DHX15: variants seen among roughly 807,000 people sequenced by gnomAD.
DHX15 encodes ATP-dependent RNA helicase DHX15.
A neutral mutation model predicts 94.4 loss-of-function variants in DHX15; 11 were observed. The ratio of observed to expected loss-of-function variants is 0.12; its 90% CI spans 0.07 to 0.19. The LOEUF is 0.19. DHX15 is among the 10% of genes least tolerant of loss of function. The pLI is 1.00. For synonymous variants in DHX15, 338 were observed against 329.9 expected (o/e 1.02, Z -0.27); for missense variants, 304 against 988.5 (o/e 0.31, Z 9.29).
At chr4:24,583,923 G>C (rs897264388) in intron 1 of DHX15, among the ~76,000 whole-genome samples, 7 of 152,144 alleles carry the variant, frequency 4.6e-5, no homozygotes, top group African/African-American at 1.7e-4. Context: ...TGCTGCCCTT[G>C]GAAGCGAATA....
rs1045784704 is a variant in DHX15 at position 24,555,011 on chromosome 4, A to G, written c.862-68T>C. On this transcript the variant is annotated intron_variant, in intron 4 of 13. Transcript: ENST00000336812. The stretch of plus-strand genomic sequence containing the variant: ...TCTTACATGGTCTTACAGTATAGCA[A>G]TATTTACTATTCTACATATATCAGC... The G allele has an allele frequency of 4.1e-6, 5 of 1,222,718 alleles. No homozygotes were observed. The African/African-American group carries it at 6.0e-5, about 15-fold the overall frequency. 75.7% of individuals were successfully genotyped at this position (1,222,718 alleles called of 1,614,324 possible).
At chr4:24,573,338 T>C (rs892068775) in intron 2 of DHX15, among the ~76,000 whole-genome samples, 2 of 152,250 alleles carry the variant, frequency 1.3e-5, no homozygotes, top group African/African-American at 4.8e-5. Context: ...AAGTCTTATA[T>C]GTTCTAACTT....
At chr4:24,564,754 T>C (rs1040137111) in intron 3 of DHX15, among the ~76,000 whole-genome samples, 9 of 152,140 alleles carry the variant, frequency 5.9e-5, no homozygotes, top group Admixed American at 3.3e-4. Flanking sequence ...GCACTACATA[T>C]AGCAAAATAC....
At chr4:24,541,275 T>A (rs1018386032) in intron 8 of DHX15, among the ~76,000 whole-genome samples, 1 of 152,064 alleles carries the variant, frequency 6.6e-6, no homozygotes, top group Non-Finnish European at 1.5e-5. Context: ...CCAGAAAAAA[T>A]TCATCAAGTT....
intron 10 of DHX15, chr4:24,538,481 A>G (rs1721237847): frequency 6.6e-6 from 1 of 152,174 alleles, no homozygotes; most frequent in Admixed American, 6.5e-5. Context: ...GTGGGAATAA[A>G]TAAGTAGTGC....
At chr4:24,545,247 A>C (rs1008611132) in intron 6 of DHX15, among the ~76,000 whole-genome samples, 1 of 152,222 alleles carries the variant, frequency 6.6e-6, no homozygotes, top group African/African-American at 2.4e-5. Flanking sequence ...CTGGGAAAAA[A>C]TACATTTCAC....
At chr4:24,563,528 G>T (rs944732494) in intron 3 of DHX15, 1 of 152,180 alleles carries the variant, frequency 6.6e-6, no homozygotes, top group African/African-American at 2.4e-5. Context: ...GGTATAAACA[G>T]ATCACTCAAA....
intron 2 of DHX15, among the ~76,000 whole-genome samples, chr4:24,574,615 T>C (rs1423281246): frequency 6.6e-6 from 1 of 152,184 alleles, no homozygotes; most frequent in Admixed American, 6.5e-5. Flanking sequence ...TACAAAGTTT[T>C]AAATATTGAG....
intron 3 of DHX15, among the ~76,000 whole-genome samples, chr4:24,566,295 C>G (rs1721991047): frequency 1.3e-5 from 2 of 152,056 alleles, no homozygotes; most frequent in Non-Finnish European, 2.9e-5. Flanking sequence ...CTCAGCCTCC[C>G]AAAGTGTTGG....
chr4:24,547,393 G>C (rs937548440), intron 6 of DHX15, among the ~76,000 whole-genome samples: 1 of 152,054 alleles, frequency 6.6e-6, no homozygotes, highest in Non-Finnish European at 1.5e-5. Context: ...GCATCCTAAG[G>C]ATTTAAAACA....
At chr4:24,562,931 AAAC>A (rs1245426337) in intron 3 of DHX15, among the ~76,000 whole-genome samples, 1 of 152,302 alleles carries the variant, frequency 6.6e-6, no homozygotes, top group Admixed American at 6.5e-5. Context: ...AATTCCAGAA[AAAC>A]AACTTGTGTA....
chr4:24,581,261 C>T (rs1469875893), intron 1 of DHX15, among the ~76,000 whole-genome samples: 1 of 152,040 alleles, frequency 6.6e-6, no homozygotes, highest in Non-Finnish European at 1.5e-5. Context: ...ATCTCCTGAC[C>T]TCGTGATCCA....
chr4:24,563,730 G>C (rs1186129174), intron 3 of DHX15, among the ~76,000 whole-genome samples: 1 of 152,108 alleles, frequency 6.6e-6, no homozygotes, highest in Non-Finnish European at 1.5e-5. Context: ...TTTTGATGTC[G>C]TATTTGTGGA....
intron 5 of DHX15, among the ~76,000 whole-genome samples, chr4:24,550,117 A>AC (rs1258546310): frequency 6.8e-6 from 1 of 146,342 alleles, no homozygotes; most frequent in Non-Finnish European, 1.5e-5. Flanking sequence ...AAAAAAAAAA[A>AC]AAAAAACGGT....
chr4:24,540,348 A>T (rs763072154), intron 9 of DHX15, 49 bp from the exon 10 acceptor site: 30 of 1,485,580 alleles, frequency 2.0e-5, no homozygotes, highest in Non-Finnish European at 2.2e-5. Context: ...AGCAAGCAAA[A>T]ATGTGACAAA....
chr4:24,539,164 C>T (rs1721256227), intron 10 of DHX15: 2 of 151,962 alleles, frequency 1.3e-5, no homozygotes, highest in Admixed American at 6.6e-5. Flanking sequence ...TAGAATATAC[C>T]ATACGTCTAA....
At chr4:24,555,106 T>TA (rs1481806599) in intron 4 of DHX15, among the ~76,000 whole-genome samples, 163 bp from the exon 5 acceptor site, 2 of 152,106 alleles carry the variant, frequency 1.3e-5, no homozygotes, top group African/African-American at 4.8e-5. Context: ...GGCTGAACTA[T>TA]AGTAAAAGTT....
In DHX15 at chr4:24,537,010, G is replaced by T; in HGVS notation, c.1909+41C>A. ...AAGAAACATCTTATACACTGCAAGTGACATTTAGACAAGAGTGTCTCCAAT... is the reference window on the plus strand; with the variant it reads ...AAGAAACATCTTATACACTGCAAGTTACATTTAGACAAGAGTGTCTCCAAT... On this transcript the variant is annotated intron_variant, in intron 11 of 13. Transcript: ENST00000336812. This position sits in a 1 kb window ranked among gnomAD's most constrained non-coding sequence, Gnocchi z 4.7. 1 of 1,595,332 alleles carries T rather than the reference G, an allele frequency of 6.3e-7. No homozygotes were observed. The highest frequency in any genetic ancestry group is 1.1e-5 in the South Asian group (1 of 88,136).
At chr4:24,565,681 TTTA>T (rs1473109877) in intron 3 of DHX15, among the ~76,000 whole-genome samples, 7 of 152,234 alleles carry the variant, frequency 4.6e-5, no homozygotes, top group Non-Finnish European at 8.8e-5. Context: ...TTAAATTGGT[TTTA>T]TTGAGTCCCT....
Sources: gnomAD v4.1 joint callset for allele counts (sites outside exome capture counted in the v4.1 genomes callset) on GRCh38, gnomAD v4.1.1 for gene constraint, Gnocchi (gnomAD v3.1) non-coding constraint, MANE v1.5 for transcripts, NCBI Gene and HGNC (gene_info 2026-07-23, HGNC 2026-07-21) for gene names.